The following GRIN2B variants were observed in gnomAD, a reference collection of about 807,000 sequenced individuals.
GRIN2B encodes glutamate ionotropic receptor NMDA type subunit 2B.
A neutral mutation model predicts 114.5 loss-of-function variants in GRIN2B; 5 were observed. The observed-to-expected ratio is 0.04, with a 90% CI of 0.02 to 0.09. The LOEUF is 0.09. Ranked by LOEUF, GRIN2B falls within the 10% of genes least tolerant of loss-of-function variation. GRIN2B has a pLI of 1.00. For missense variants in GRIN2B, 1,108 were observed against 1,943.5 expected, an observed-to-expected ratio of 0.57 and a Z score of 8.08; for synonymous variants, 787 against 745.1, an observed-to-expected ratio of 1.06 and a Z score of -0.92.
intron 3 of GRIN2B, among the ~76,000 whole-genome samples, chr12:13,810,819 T>C (rs1415193360): frequency 6.6e-6 from 1 of 152,220 alleles, no homozygotes; most frequent in African/African-American, 2.4e-5. Context: ...TTTGCTACTG[T>C]CAACACTTTC....
At position 13,760,066 on chromosome 12, in the gene GRIN2B, GGAATGCT is replaced by G. The variant is rs548124669; in HGVS notation, c.412-6158_412-6152del. Among the ~76,000 whole-genome samples the G allele has an allele frequency of 9.8e-5, 15 of 152,300 alleles. No individual in the cohort carries two copies. The South Asian group carries it at 1.9e-3, about 19-fold the overall frequency. On this transcript the variant is annotated intron_variant, in intron 3 of 13. Transcript: ENST00000609686. The stretch of plus-strand genomic sequence containing the variant: ...GTGCTCTCAATCCTGACCACAACAC[GGAATGCT>G]GAAGCCTGTCCTCACTTTTCATAGG...
At chr12:13,583,671 G>A (rs747251928) in intron 10 of GRIN2B, among the ~76,000 whole-genome samples, 4 of 152,110 alleles carry the variant, frequency 2.6e-5, no homozygotes, top group African/African-American at 4.8e-5. Flanking sequence ...AGGCAGAGAT[G>A]GAGCCAACTC....
chr12:13,773,007 G>A (rs532057205), intron 3 of GRIN2B, among the ~76,000 whole-genome samples: 1 of 152,248 alleles, frequency 6.6e-6, no homozygotes, highest in South Asian at 2.1e-4. Context: ...CTATAGATGG[G>A]TGGATTTCAC....
chr12:13,572,183 T>C (rs1008728026), intron 10 of GRIN2B, among the ~76,000 whole-genome samples: 3 of 152,206 alleles, frequency 2.0e-5, no homozygotes, highest in Admixed American at 6.5e-5. Flanking sequence ...TTAGTACATA[T>C]TGCTGAGAGA....
intron 2 of GRIN2B, among the ~76,000 whole-genome samples, chr12:13,884,766 T>C (rs994855102): frequency 1.2e-4 from 19 of 152,176 alleles, no homozygotes; most frequent in Non-Finnish European, 1.8e-4. Flanking sequence ...GGAAGTTCCT[T>C]TCCGTTTCCA....
chr12:13,808,809 C>T (rs574582517), intron 3 of GRIN2B, among the ~76,000 whole-genome samples: 2 of 150,570 alleles, frequency 1.3e-5, no homozygotes, highest in African/African-American at 4.9e-5. Context: ...GGTTCCCGAG[C>T]CCTATAGAGT....
chr12:13,823,747 A>G (rs1412154077), intron 3 of GRIN2B, among the ~76,000 whole-genome samples: 1 of 152,094 alleles, frequency 6.6e-6, no homozygotes, highest in Non-Finnish European at 1.5e-5. Context: ...TGGGGAAAAT[A>G]TATTCACTTT....
intron 3 of GRIN2B, among the ~76,000 whole-genome samples, chr12:13,829,610 G>A (rs1366014056): frequency 6.6e-6 from 1 of 152,180 alleles, no homozygotes; most frequent in South Asian, 2.1e-4. Context: ...CTAAGTCTTG[G>A]TTGAGTATTT....
In GRIN2B at chr12:13,930,121, C is replaced by A. The variant is rs375989665; in HGVS notation, c.-19+49807G>T. On this transcript the variant is annotated intron_variant, in intron 2 of 13. Coordinates refer to ENST00000609686, the MANE Select transcript of GRIN2B (RefSeq NM_000834.5). ...ATCGCTTGAACCGGGGAGGTGGAAG[C>A]TGCAGTGAGTTGAGACTGTGCCATT... is the stretch of plus-strand genomic sequence containing the variant. Among the ~76,000 whole-genome samples, 6 of 152,220 alleles carry A rather than the reference C, an allele frequency of 3.9e-5. No individual in the cohort carries two copies. The East Asian group carries it at 1.2e-3, about 29-fold the overall frequency.
chr12:13,888,834 C>A (rs1229087760), intron 2 of GRIN2B, among the ~76,000 whole-genome samples: 3 of 151,458 alleles, frequency 2.0e-5, no homozygotes, highest in Non-Finnish European at 4.4e-5. Context: ...ACGAATGGAG[C>A]CTGCAGGGAC....
intron 4 of GRIN2B, among the ~76,000 whole-genome samples, chr12:13,690,324 C>CACACAT (rs879363605): frequency 4.8e-5 from 7 of 146,750 alleles, no homozygotes; most frequent in Non-Finnish European, 1.1e-4. Flanking sequence ...CACATGCACA[C>CACACAT]GCACAATCTA....
At chr12:13,913,830 T>A (rs1866664798) in intron 2 of GRIN2B, among the ~76,000 whole-genome samples, 1 of 152,202 alleles carries the variant, frequency 6.6e-6, no homozygotes, top group African/African-American at 2.4e-5. Context: ...CTTAGACAAC[T>A]TACTTTCTCT....
At chr12:13,595,057 G>A (rs954001717) in intron 10 of GRIN2B, among the ~76,000 whole-genome samples, 16 of 152,186 alleles carry the variant, frequency 1.1e-4, no homozygotes, top group African/African-American at 3.6e-4. Flanking sequence ...TGAGAGGTGA[G>A]ATTGAAATTC....
At chr12:13,854,697 G>T (rs1320298933) in intron 3 of GRIN2B, among the ~76,000 whole-genome samples, 1 of 152,052 alleles carries the variant, frequency 6.6e-6, no homozygotes, top group Non-Finnish European at 1.5e-5. Flanking sequence ...GAACTAGAAA[G>T]AGCATCACCT....
intron 3 of GRIN2B, among the ~76,000 whole-genome samples, chr12:13,818,223 C>G (rs1416599236): frequency 6.6e-6 from 1 of 152,200 alleles, no homozygotes; most frequent in African/African-American, 2.4e-5. Flanking sequence ...ACTGAATCGT[C>G]CCACTCCCTT....
At chr12:13,885,153 G>T (rs1039984551) in intron 2 of GRIN2B, among the ~76,000 whole-genome samples, 2 of 152,064 alleles carry the variant, frequency 1.3e-5, no homozygotes, top group African/African-American at 4.8e-5. Flanking sequence ...TTGTGCAAAA[G>T]TGTTCCCTAC....
chr12:13,970,024 T>C (rs1246354640), intron 2 of GRIN2B, among the ~76,000 whole-genome samples: 1 of 152,192 alleles, frequency 6.6e-6, no homozygotes, highest in Non-Finnish European at 1.5e-5. Context: ...AGCTAATTTT[T>C]GTATTTTTAG....
chr12:13,772,516 C>A (rs1045111426), intron 3 of GRIN2B, among the ~76,000 whole-genome samples: 1 of 152,322 alleles, frequency 6.6e-6, no homozygotes, highest in South Asian at 2.1e-4. Context: ...GATTCATCAG[C>A]TACAGTGTAC....
intron 4 of GRIN2B, among the ~76,000 whole-genome samples, chr12:13,713,787 ATGT>A (rs1439990840): frequency 1.3e-5 from 2 of 151,824 alleles, no homozygotes; most frequent in African/African-American, 4.8e-5. Context: ...TGTCTACAAG[ATGT>A]TTCCTTCTTC....
Sources: gnomAD v4.1 joint callset for allele counts (sites outside exome capture counted in the v4.1 genomes callset) on GRCh38, gnomAD v4.1.1 for gene constraint, MANE v1.5 for transcripts, NCBI Gene and HGNC (gene_info 2026-07-23, HGNC 2026-07-21) for gene names.